The following PRKN variants were observed in gnomAD, a reference collection of about 807,000 sequenced individuals.
PRKN encodes the protein E3 ubiquitin-protein ligase parkin.
In PRKN, 56 loss-of-function variants were observed where a neutral mutation model predicts 59.5. That is an observed-to-expected ratio of 0.94 (90% CI 0.76 to 1.18). The LOEUF (loss-of-function observed/expected upper bound fraction) is 1.18, where lower values mean the gene tolerates loss of function less well. Ranked by LOEUF, PRKN falls within the 50% of genes most tolerant of loss-of-function variation. The pLI, the probability that PRKN is intolerant of heterozygous loss-of-function variation, is 0.00. For synonymous variants in PRKN, 250 were observed against 222.1 expected (o/e 1.13, Z -1.12); for missense variants, 657 against 596.4 (o/e 1.10, Z -1.06).
intron 1 of PRKN, among the ~76,000 whole-genome samples, chr6:162,599,724 C>T (rs1286668885): frequency 1.3e-5 from 2 of 152,164 alleles, no homozygotes. Context: ...GGGCAGAACT[C>T]TGTCAGCGTA....
At chr6:162,672,358 G>A (rs936776888) in intron 1 of PRKN, among the ~76,000 whole-genome samples, 4 of 151,964 alleles carry the variant, frequency 2.6e-5, no homozygotes, top group African/African-American at 9.7e-5. Context: ...TAAGCTAAGG[G>A]AGAAAACAAA....
chr6:161,433,411 A>C (rs1327247452), intron 9 of PRKN, among the ~76,000 whole-genome samples: 1 of 152,218 alleles, frequency 6.6e-6, no homozygotes, highest in African/African-American at 2.4e-5. Flanking sequence ...AATTTTAATA[A>C]CTCAAGTAGG....
chr6:161,504,262 C>T (rs74339302), intron 9 of PRKN, among the ~76,000 whole-genome samples: 8,051 of 152,266 alleles, frequency 0.053, 299 homozygotes, highest in Middle Eastern at 0.095. Context: ...GCGTTATCTG[C>T]ACCTCAGAGC....
At position 161,503,372 on chromosome 6, in the gene PRKN, G is replaced by A. The variant is rs1245033069; in HGVS notation, c.1083+45482C>T. ...CATGAACTTCTGTTTGCTGCACACT[G>A]TGCTCTTTCTGTGGGTTATTCAGGT... On this transcript the variant is annotated intron_variant, in intron 9 of 11. Transcript: ENST00000366898. This position sits in a 1 kb window ranked among gnomAD's most constrained non-coding sequence, Gnocchi z 5.1. 6.6e-6 allele frequency among the ~76,000 whole-genome samples: 1 copy of A among 152,152 alleles called. No homozygotes were observed. Among genetic ancestry groups the A allele is most frequent in the African/African-American group, 2.4e-5 (1 of 41,426 alleles).
chr6:162,660,923 G>A (rs1030270556), intron 1 of PRKN, among the ~76,000 whole-genome samples: 2 of 152,126 alleles, frequency 1.3e-5, no homozygotes, highest in African/African-American at 4.8e-5. Flanking sequence ...TGAAATTTAT[G>A]ACACTAAGAA....
intron 7 of PRKN, among the ~76,000 whole-genome samples, chr6:161,637,988 T>G (rs1215092544): frequency 6.6e-6 from 1 of 152,184 alleles, no homozygotes. Flanking sequence ...TTTTTTCTCT[T>G]GTGCTTGCTT....
chr6:162,582,533 T>A (rs1780830687), intron 1 of PRKN, among the ~76,000 whole-genome samples: 1 of 152,130 alleles, frequency 6.6e-6, no homozygotes, highest in Non-Finnish European at 1.5e-5. Flanking sequence ...CGAATAGAAA[T>A]TTATTTCTAG....
At chr6:162,417,433 G>A (rs1433139395) in intron 2 of PRKN, among the ~76,000 whole-genome samples, 1 of 152,208 alleles carries the variant, frequency 6.6e-6, no homozygotes, top group African/African-American at 2.4e-5. Context: ...ACCATCACAT[G>A]CTGGCAGCTG....
At chr6:162,272,682 T>C (rs1392652347) in intron 2 of PRKN, among the ~76,000 whole-genome samples, 1 of 152,016 alleles carries the variant, frequency 6.6e-6, no homozygotes, top group Non-Finnish European at 1.5e-5. Flanking sequence ...GCGCAAGGTG[T>C]TTACTGTGGG....
intron 1 of PRKN, among the ~76,000 whole-genome samples, chr6:162,462,167 C>T (rs1047449451): frequency 2.0e-5 from 3 of 151,978 alleles, no homozygotes; most frequent in South Asian, 2.1e-4. Flanking sequence ...AAAAGGACAA[C>T]GTAAATAATT....
intron 1 of PRKN, among the ~76,000 whole-genome samples, chr6:162,716,064 C>T (rs565116055): frequency 4.6e-5 from 7 of 152,298 alleles, no homozygotes; most frequent in Non-Finnish European, 8.8e-5. Context: ...CATTTAGATA[C>T]GCACGCCTAG....
rs1046230056 is a variant in PRKN, at chr6:161,356,560, G to A, written c.1285+3528C>T. Among the ~76,000 whole-genome samples, 2 of 152,190 alleles carry A rather than the reference G, an allele frequency of 1.3e-5. No individual in the cohort carries two copies. The highest frequency in any genetic ancestry group is 2.9e-5 in the Non-Finnish European group (2 of 68,038). On this transcript the variant is annotated intron_variant, in intron 11 of 11. Coordinates refer to ENST00000366898, the MANE Select transcript of PRKN (RefSeq NM_004562.3). This position sits in a 1 kb window ranked among gnomAD's most constrained non-coding sequence, Gnocchi z 7.8. ...TTGGAAGAGGAGGCGGGCAAGCAGG[G>A]CACTGGCTGGGGACGTGGAGTCAGA...
chr6:162,025,271 G>A (rs1033246018), intron 5 of PRKN, among the ~76,000 whole-genome samples: 2 of 151,924 alleles, frequency 1.3e-5, no homozygotes, highest in South Asian at 4.1e-4. Context: ...CGAAAGTGCT[G>A]GGATTACAGG....
Position 161,363,451 on chromosome 6 carries a change from C to G in PRKN, c.1168-3246G>C, listed in dbSNP as rs556680084. Among the ~76,000 whole-genome samples the G allele has an allele frequency of 9.2e-5, 14 of 151,948 alleles. No homozygotes were observed. Among genetic ancestry groups the G allele is most frequent in the African/African-American group, 3.4e-4 (14 of 41,418 alleles). On this transcript the variant is annotated intron_variant, in intron 10 of 11. Transcript: ENST00000366898. The surrounding 1 kb of genome is among the most constrained non-coding windows in gnomAD (Gnocchi z 4.1). ...GATGAGTTACATAACAAATTAGATA[C>G]AAATGAAGAGAGAATTTGTGAACTG...
intron 1 of PRKN, among the ~76,000 whole-genome samples, chr6:162,623,542 ATAAATCAT>A (rs890138798): frequency 2.6e-5 from 4 of 152,196 alleles, no homozygotes; most frequent in Admixed American, 6.5e-5. Flanking sequence ...GAGAATAGAG[ATAAATCAT>A]TTTCCCAAGG....
intron 3 of PRKN, among the ~76,000 whole-genome samples, chr6:162,257,119 T>C (rs767299608): frequency 2.0e-5 from 3 of 152,156 alleles, no homozygotes; most frequent in East Asian, 1.9e-4. Context: ...AATTGCATGC[T>C]GACACTCCTT....
chr6:162,426,208 A>C (rs1054472107), intron 2 of PRKN, among the ~76,000 whole-genome samples: 1 of 152,200 alleles, frequency 6.6e-6, no homozygotes, highest in African/African-American at 2.4e-5. Flanking sequence ...GTAATATAAC[A>C]ACGTAGTATT....
At chr6:161,739,387 G>A (rs1190981494) in intron 7 of PRKN, among the ~76,000 whole-genome samples, 1 of 152,062 alleles carries the variant, frequency 6.6e-6, no homozygotes, top group Non-Finnish European at 1.5e-5. Flanking sequence ...CAGCCTGGGC[G>A]ACAGCGAGAC....
intron 4 of PRKN, among the ~76,000 whole-genome samples, chr6:162,188,532 C>A (rs1232713744): frequency 1.3e-5 from 2 of 152,234 alleles, no homozygotes; most frequent in African/African-American, 4.8e-5. Flanking sequence ...CAACAGCAAT[C>A]TCCTGGTCCT....
Sources: allele counts gnomAD v4.1 joint callset (sites outside exome capture counted in the v4.1 genomes callset), GRCh38; gene constraint gnomAD v4.1.1; non-coding constraint Gnocchi (gnomAD v3.1); transcripts MANE v1.5; gene names NCBI Gene and HGNC (gene_info 2026-07-23, HGNC 2026-07-21).